Variants in DSCAM observed in about 807,000 individuals in gnomAD.
DSCAM encodes the protein cell adhesion molecule DSCAM.
DSCAM carries 47 observed loss-of-function variants against 217.7 expected under a neutral mutation model. The observed-to-expected ratio is 0.22, with a 90% confidence interval of 0.17 to 0.28. The LOEUF (loss-of-function observed/expected upper bound fraction) is 0.28. Ranked by LOEUF, DSCAM falls within the 10% of genes least tolerant of loss-of-function variation. DSCAM has a pLI of 1.00. For synonymous variants in DSCAM, 1,056 were observed against 1,015.3 expected, an observed-to-expected ratio of 1.04 and a Z score of -0.76; for missense variants, 2,080 against 2,618.3, an observed-to-expected ratio of 0.79 and a Z score of 4.49.
At chr21:40,314,737 A>G (rs777650740) in intron 8 of DSCAM, among the ~76,000 whole-genome samples, 26 of 152,294 alleles carry the variant, frequency 1.7e-4, no homozygotes, top group Non-Finnish European at 3.8e-4. Flanking sequence ...TACTGTCTGA[A>G]TTACAGACAA....
chr21:40,501,239 C>G (rs979447594), intron 3 of DSCAM, among the ~76,000 whole-genome samples: 2 of 152,112 alleles, frequency 1.3e-5, no homozygotes, highest in Non-Finnish European at 2.9e-5. Flanking sequence ...TCAAATTGAA[C>G]TGGGCATCCT....
chr21:40,018,865 T>C (rs2146416292), intron 32 of DSCAM, among the ~76,000 whole-genome samples: 1 of 152,380 alleles, frequency 6.6e-6, no homozygotes, highest in East Asian at 1.9e-4. Flanking sequence ...CAAGTATCTC[T>C]GAATATCCAA....
chr21:40,577,838 G>A (rs567361484), intron 3 of DSCAM, among the ~76,000 whole-genome samples: 16 of 152,148 alleles, frequency 1.1e-4, no homozygotes, highest in Non-Finnish European at 2.4e-4. Context: ...GGCTTTGGGC[G>A]TTATCAATCA....
intron 24 of DSCAM, among the ~76,000 whole-genome samples, chr21:40,083,639 G>T (rs2089492916): frequency 6.6e-6 from 1 of 152,184 alleles, no homozygotes; most frequent in Non-Finnish European, 1.5e-5. Context: ...TCAAAAAAGA[G>T]ATATCCAAAT....
At chr21:40,310,670 T>C (rs1185198783) in intron 9 of DSCAM, among the ~76,000 whole-genome samples, 1 of 152,254 alleles carries the variant, frequency 6.6e-6, no homozygotes, top group East Asian at 1.9e-4. Flanking sequence ...TTCAGATTCC[T>C]GGCCTGGATC....
chr21:40,370,359 G>A (rs2123701029), intron 3 of DSCAM, among the ~76,000 whole-genome samples: 1 of 151,624 alleles, frequency 6.6e-6, no homozygotes, highest in Admixed American at 6.6e-5. Context: ...GGCTATTTCT[G>A]CATGTGATGT....
At chr21:40,769,090 G>A (rs982852080) in intron 1 of DSCAM, among the ~76,000 whole-genome samples, 2 of 149,474 alleles carry the variant, frequency 1.3e-5, no homozygotes, top group Non-Finnish European at 3.0e-5. Context: ...GACCTGAAAG[G>A]CTCATGGGGG....
chr21:40,656,233 T>C (rs1340309268), intron 3 of DSCAM, among the ~76,000 whole-genome samples: 1 of 152,212 alleles, frequency 6.6e-6, no homozygotes, highest in Non-Finnish European at 1.5e-5. Flanking sequence ...TTGTTCTTTC[T>C]ACCCCCTTTT....
At chr21:40,762,440 T>A (rs2091345148) in intron 1 of DSCAM, among the ~76,000 whole-genome samples, 1 of 152,134 alleles carries the variant, frequency 6.6e-6, no homozygotes, top group Admixed American at 6.5e-5. Context: ...AATAGACCAA[T>A]AACAAGTTCT....
At chr21:40,195,514 T>C (rs2090998433) in intron 11 of DSCAM, among the ~76,000 whole-genome samples, 1 of 152,150 alleles carries the variant, frequency 6.6e-6, no homozygotes, top group Non-Finnish European at 1.5e-5. Context: ...CTGACTCTGA[T>C]CGGTCCTATT....
chr21:40,763,168 C>G (rs923753838), intron 1 of DSCAM, among the ~76,000 whole-genome samples: 2 of 152,012 alleles, frequency 1.3e-5, no homozygotes, highest in African/African-American at 4.8e-5. Context: ...TGTGTGCAGA[C>G]GACATGATTG....
chr21:40,294,485 T>A (rs1467080626), intron 10 of DSCAM, among the ~76,000 whole-genome samples: 2 of 152,240 alleles, frequency 1.3e-5, no homozygotes, highest in Non-Finnish European at 2.9e-5. Flanking sequence ...GTGGCCTAAG[T>A]GCCCTTGGGC....
At chr21:40,680,491 G>A (rs1245200410) in intron 3 of DSCAM, among the ~76,000 whole-genome samples, 4 of 152,228 alleles carry the variant, frequency 2.6e-5, no homozygotes, top group Non-Finnish European at 4.4e-5. Flanking sequence ...GCTGTGCGCT[G>A]CTGGCAAAAT....
intron 30 of DSCAM, among the ~76,000 whole-genome samples, chr21:40,050,531 G>T (rs1352692093): frequency 6.6e-6 from 1 of 151,118 alleles, no homozygotes; most frequent in Non-Finnish European, 1.5e-5. Flanking sequence ...CGTCCAGGCT[G>T]GAGTGCAGTG....
intron 3 of DSCAM, among the ~76,000 whole-genome samples, chr21:40,580,237 T>G (rs2076893514): frequency 6.6e-6 from 1 of 151,830 alleles, no homozygotes; most frequent in African/African-American, 2.4e-5. Flanking sequence ...AATTAACTTT[T>G]AAAGACTACT....
rs997266892 is a variant in DSCAM at position 40,154,969 on chromosome 21, G to T, written c.3019-10238C>A. Among the ~76,000 whole-genome samples, 4 of 152,306 alleles carry T rather than the reference G, an allele frequency of 2.6e-5. No homozygotes were observed. The South Asian group carries it at 8.3e-4, about 32-fold the overall frequency. On this transcript the variant is annotated intron_variant, in intron 16 of 32. Transcript: ENST00000400454. Reference sequence around the variant, plus strand: ...ACACAAATGCAGAATGCTAGAAATAGATTGATAATTTTATGACATGGAATT... The same window carrying T: ...ACACAAATGCAGAATGCTAGAAATATATTGATAATTTTATGACATGGAATT...
At chr21:40,746,591 T>C (rs951979176) in intron 1 of DSCAM, among the ~76,000 whole-genome samples, 1 of 151,752 alleles carries the variant, frequency 6.6e-6, no homozygotes, top group African/African-American at 2.4e-5. Flanking sequence ...ATCTGAAAGG[T>C]CTGTAGATTG....
At chr21:40,371,022 A>G (rs2074892404) in intron 3 of DSCAM, among the ~76,000 whole-genome samples, 1 of 152,226 alleles carries the variant, frequency 6.6e-6, no homozygotes, top group South Asian at 2.1e-4. Context: ...ATAAAATAAC[A>G]GAGCAAATAC....
intron 1 of DSCAM, among the ~76,000 whole-genome samples, chr21:40,781,704 C>T (rs1014121199): frequency 3.9e-5 from 6 of 152,086 alleles, no homozygotes; most frequent in African/African-American, 1.4e-4. Context: ...CTTTTCTTTG[C>T]ATTTCCATAG....
Sources: gnomAD v4.1 joint callset for allele counts (sites outside exome capture counted in the v4.1 genomes callset) on GRCh38, gnomAD v4.1.1 for gene constraint, MANE v1.5 for transcripts, NCBI Gene and HGNC (gene_info 2026-07-23, HGNC 2026-07-21) for gene names.